Variants in MMP14 observed in about 807,000 individuals in gnomAD.
MMP14 encodes matrix metallopeptidase 14, also known as matrix metalloproteinase-14.
Under a neutral mutation model 64.8 loss-of-function variants are expected in MMP14, and 13 were observed. That is an observed-to-expected ratio of 0.20 (90% CI 0.13 to 0.32). The LOEUF (loss-of-function observed/expected upper bound fraction) is 0.32. MMP14 is among the 10% of genes least tolerant of loss of function. MMP14 has a pLI of 1.00. For synonymous variants in MMP14, 322 were observed against 315.9 expected (o/e 1.02, Z -0.20); for missense variants, 594 against 783.8 (o/e 0.76, Z 2.89).
Position 22,836,924 on chromosome 14 carries a change from A to G in MMP14, c.107A>G (p.Glu36Gly). Residue 36 changes from glutamate (E) to glycine (G), a missense_variant and splice_region_variant, in exon 1 of 10, where the codon GAA becomes GGA. By Grantham distance (98) the Glu-to-Gly change is moderately conservative. Around this residue, in one of 4 missense-constraint regions of MMP14, gnomAD observed 45 missense variants for 48.8 expected, o/e 0.92. Transcript: ENST00000311852. ...GCCCAAAGCAGCAGCTTCAGCCCCG[A>G]AGTAAGTGAGCTTCCCGGCCCTTCC... The part of the protein sequence containing the change: ...GSAQSSSFSP[E>G]AWLQQYGYLP... 1 of 1,612,606 alleles carries G rather than the reference A, an allele frequency of 6.2e-7. No homozygotes were observed.
intron 9 of MMP14, 82 bp from the exon 10 acceptor site, chr14:22,845,626 A>T: frequency 9.1e-6 from 13 of 1,429,774 alleles, no homozygotes; most frequent in Non-Finnish European, 1.3e-5. Context: ...CTGCCCTCAC[A>T]TTAACAGAGC....
Position 22,843,457 on chromosome 14 carries a change from G to A in MMP14, c.850+39G>A. 6.3e-7 allele frequency: 1 copy of A among 1,593,592 alleles called. No individual in the cohort carries two copies. The highest frequency in any genetic ancestry group is 8.6e-7 in the Non-Finnish European group (1 of 1,168,056). ...ACCCACGCCTGCTCCCTCCTCTGCTGCTTGTTCCCTCCTGGTCTACGCATT... is the reference window on the plus strand; with the variant it reads ...ACCCACGCCTGCTCCCTCCTCTGCTACTTGTTCCCTCCTGGTCTACGCATT... On this transcript the variant is annotated intron_variant, in intron 5 of 9. Transcript: ENST00000311852. The surrounding 1 kb of genome is among the most constrained non-coding windows in gnomAD (Gnocchi z 4.8).
chr14:22,838,599 G>A (rs2039751589), intron 1 of MMP14, among the ~76,000 whole-genome samples: 1 of 152,188 alleles, frequency 6.6e-6, no homozygotes, highest in Admixed American at 6.5e-5. Flanking sequence ...CCAGCCGACT[G>A]GGTTCTTTGA....
chr14:22,845,427 G>A (rs2039805464), intron 9 of MMP14, 61 bp downstream of exon 9: 2 of 1,279,030 alleles, frequency 1.6e-6, no homozygotes, highest in African/African-American at 1.5e-5. Flanking sequence ...TTGAGGAAGA[G>A]CGGGAGGGAA....
intron 1 of MMP14, among the ~76,000 whole-genome samples, chr14:22,839,554 G>C (rs559685593): frequency 1.3e-5 from 2 of 152,198 alleles, no homozygotes; most frequent in South Asian, 4.1e-4. Context: ...CTGGGAAAAG[G>C]CTGGGTTGTT....
chr14:22,840,677 A>G (rs2039766874), intron 1 of MMP14, among the ~76,000 whole-genome samples: 1 of 151,722 alleles, frequency 6.6e-6, no homozygotes, highest in Non-Finnish European at 1.5e-5. Context: ...CCCGGCTAAT[A>G]TTTTTTGTAT....
In MMP14 at chr14:22,844,639, A is replaced by G. The variant is rs200944154; in HGVS notation, c.1160A>G (p.His387Arg). Residue 387 changes from histidine to arginine, a missense_variant, in exon 8 of 10, where the codon CAT (histidine) becomes CGT (arginine). This residue lies in a region of MMP14 where 364 missense variants were observed against 425.2 expected (regional missense o/e 0.86). Transcript: ENST00000311852. ...GKFVFFKGDK[H>R]WVFDEASLEP... ...CTCCTGTCCTCCCCAGGAGACAAGC[A>G]TTGGGTGTTTGATGAGGCGTCCCTG... 6.2e-7 allele frequency: 1 copy of G among 1,614,100 alleles called. No homozygotes were observed. The highest frequency in any genetic ancestry group is 1.3e-5 in the African/African-American group (1 of 75,018).
intron 1 of MMP14, among the ~76,000 whole-genome samples, chr14:22,839,321 G>C (rs923333193): frequency 1.3e-5 from 2 of 152,214 alleles, no homozygotes; most frequent in Non-Finnish European, 2.9e-5. Flanking sequence ...GCATAGTTAG[G>C]CACAGGCCAC....
Position 22,842,608 on chromosome 14 carries a change from T to C in MMP14, c.579T>C (p.Asp193=). ...TCCATGGCGACAGCACGCCCTTCGATGGTGAGGGCGGCTTCCTGGCCCATG... is the reference window on the plus strand; with the variant it reads ...TCCATGGCGACAGCACGCCCTTCGACGGTGAGGGCGGCTTCCTGGCCCATG... ...EGFHGDSTPF[D]GEGGFLAHAY... is the part of the protein sequence containing the mutation. The change falls in exon 4 of 10, where the codon GAT becomes GAC. Residue 193 remains aspartate (D), a synonymous_variant. Coordinates refer to ENST00000311852, the MANE Select transcript of MMP14 (RefSeq NM_004995.4). This position sits in a 1 kb window ranked among gnomAD's most constrained non-coding sequence, Gnocchi z 5.3. 1 of 1,614,186 alleles carries C rather than the reference T, an allele frequency of 6.2e-7. No individual in the cohort carries two copies. The highest frequency in any genetic ancestry group is 8.5e-7 in the Non-Finnish European group (1 of 1,180,028).
chr14:22,836,795 G>A lies in MMP14; in HGVS notation c.-23G>A. The A allele has an allele frequency of 6.5e-7, 1 of 1,533,044 alleles. No homozygotes were observed. The allele number at this position is 1,533,044 out of a possible 1,614,324, so 95.0% of individuals were successfully genotyped here. A position where few individuals can be genotyped will look rare whatever the true frequency, so the allele number is the denominator to read the frequency against. ...CCCGGCCGCGGAGCCCACACTGCCCGGCTGACCCGGTGGTCTCGGACCATG... is the reference window on the plus strand; with the variant it reads ...CCCGGCCGCGGAGCCCACACTGCCCAGCTGACCCGGTGGTCTCGGACCATG... On this transcript the variant is annotated 5_prime_UTR_variant, in exon 1 of 10. Transcript: ENST00000311852.
Position 22,843,454 on chromosome 14 carries a change from G to A in MMP14, c.850+36G>A. ...TACACCCACGCCTGCTCCCTCCTCT[G>A]CTGCTTGTTCCCTCCTGGTCTACGC... On this transcript the variant is annotated intron_variant, in intron 5 of 9. Coordinates refer to ENST00000311852, the MANE Select transcript of MMP14 (RefSeq NM_004995.4). This position sits in a 1 kb window ranked among gnomAD's most constrained non-coding sequence, Gnocchi z 4.8. 6.3e-7 allele frequency: 1 copy of A among 1,595,748 alleles called. No homozygotes were observed. Among genetic ancestry groups the A allele is most frequent in the East Asian group, 2.2e-5 (1 of 44,592 alleles).
At chr14:22,837,596 G>A (rs1367581296) in intron 1 of MMP14, among the ~76,000 whole-genome samples, 4 of 152,276 alleles carry the variant, frequency 2.6e-5, no homozygotes, top group Admixed American at 6.5e-5. Context: ...TGTGAGCCGG[G>A]CGATCGGCCG....
At chr14:22,841,363 G>A (rs555269333) in intron 1 of MMP14, 128 bp from the exon 2 acceptor site, 24 of 1,232,026 alleles carry the variant, frequency 1.9e-5, no homozygotes, top group Middle Eastern at 2.8e-4. Context: ...ACCTGCTGCC[G>A]GAGCCAAGCT....
intron 1 of MMP14, among the ~76,000 whole-genome samples, chr14:22,838,604 C>A (rs1384813695): frequency 6.6e-6 from 1 of 152,212 alleles, no homozygotes; most frequent in Non-Finnish European, 1.5e-5. Context: ...CGACTGGGTT[C>A]TTTGACCCAA....
At chr14:22,836,976 C>G (rs1488181982) in intron 1 of MMP14, 51 bp downstream of exon 1, 4 of 1,436,772 alleles carry the variant, frequency 2.8e-6, no homozygotes, top group African/African-American at 1.4e-5. Context: ...GGGAGGCGAG[C>G]CCGGGGGTCT....
chr14:22,837,206 G>A, intron 1 of MMP14: 3 of 616,810 alleles, frequency 4.9e-6, no homozygotes, highest in East Asian at 3.4e-5. Context: ...TACAACTGGG[G>A]CGAACTCCCC....
chr14:22,838,058 T>C (rs2039747687), intron 1 of MMP14, among the ~76,000 whole-genome samples: 1 of 152,160 alleles, frequency 6.6e-6, no homozygotes, highest in East Asian at 1.9e-4. Context: ...CTGTCTTCTC[T>C]CTGCGTCCCT....
rs748568006 is a variant in MMP14, at chr14:22,845,717, A to G, written c.1427A>G (p.Tyr476Cys). 3 of 1,613,866 alleles carry G rather than the reference A, an allele frequency of 1.9e-6. No individual in the cohort carries two copies. The highest frequency in any genetic ancestry group is 1.1e-5 in the South Asian group (1 of 91,074). Reference protein sequence around the residue: ...SFMGSDEVFTYFYKGNKYWKF... With the variant: ...SFMGSDEVFTCFYKGNKYWKF... ...GATTCACTCCCTGCAGTCTTCACTT[A>G]CTTCTACAAGGGGAACAAATACTGG... Residue 476 changes from tyrosine to cysteine, a missense_variant, in exon 10 of 10, where the codon TAC becomes TGC. Physicochemically the swap from Tyr to Cys is radical, Grantham distance 194. Around this residue, in one of 4 missense-constraint regions of MMP14, gnomAD observed 364 missense variants for 425.2 expected, o/e 0.86. Coordinates refer to ENST00000311852, the MANE Select transcript of MMP14 (RefSeq NM_004995.4).
At chr14:22,845,182 G>A (rs1208068766) in intron 8 of MMP14, 69 bp from the exon 9 acceptor site, 25 of 1,169,218 alleles carry the variant, frequency 2.1e-5, no homozygotes, top group East Asian at 4.8e-5. Context: ...TGGTGGATTC[G>A]GTCCGGGTCT....
Sources: allele counts gnomAD v4.1 joint callset (sites outside exome capture counted in the v4.1 genomes callset), GRCh38; gene constraint gnomAD v4.1.1; regional missense constraint gnomAD v4.1.1; non-coding constraint Gnocchi (gnomAD v3.1); transcripts MANE v1.5; gene names NCBI Gene and HGNC (gene_info 2026-07-23, HGNC 2026-07-21).